ZC3H12B: variants seen among roughly 807,000 people sequenced by gnomAD.
The protein encoded by ZC3H12B is zinc finger CCCH-type containing 12B, also known as probable ribonuclease ZC3H12B.
Under a neutral mutation model 43.9 loss-of-function variants are expected in ZC3H12B, and 7 were observed. The observed-to-expected ratio is 0.16, with a 90% CI of 0.09 to 0.30. ZC3H12B has a LOEUF of 0.30. ZC3H12B is among the 10% of genes least tolerant of loss of function. The pLI is 1.00. For synonymous variants in ZC3H12B, 222 were observed against 241.7 expected (o/e 0.92, Z 0.76); for missense variants, 475 against 670.2 (o/e 0.71, Z 3.22).
the ZC3H12B span, among the ~76,000 whole-genome samples, chrX:65,333,289 C>T: frequency 3.6e-5 from 4 of 111,851 alleles, no homozygotes; most frequent in Non-Finnish European, 5.7e-5. Context: ...GTAAAATAAC[C>T]AGTTTCTCCA....
chrX:65,419,370 C>T (rs1277479097), intron 3 of ZC3H12B, among the ~76,000 whole-genome samples: 1 of 111,865 alleles, frequency 8.9e-6, no homozygotes, highest in East Asian at 2.8e-4. Context: ...ATTCAACTGG[C>T]CTGAATCTTG....
intron 2 of ZC3H12B, among the ~76,000 whole-genome samples, chrX:65,388,313 C>T (rs2066559926): frequency 8.9e-6 from 1 of 111,925 alleles, no homozygotes; most frequent in Non-Finnish European, 1.9e-5. Context: ...CACATAGTCC[C>T]ATATTTCTTG....
At chrX:65,153,260 G>A in the ZC3H12B span, among the ~76,000 whole-genome samples, 1 of 112,028 alleles carries the variant, frequency 8.9e-6, no homozygotes, top group Non-Finnish European at 1.9e-5. Flanking sequence ...AAGAGCTTCT[G>A]CATAGCAAAA....
chrX:65,296,357 G>A, the ZC3H12B span, among the ~76,000 whole-genome samples: 102 of 110,699 alleles, frequency 9.2e-4, no homozygotes, highest in Admixed American at 4.6e-3. Flanking sequence ...TCGGGGAAAG[G>A]GCAGAGACTG....
chrX:65,283,786 G>A, the ZC3H12B span, among the ~76,000 whole-genome samples: 121 of 111,702 alleles, frequency 1.1e-3, no homozygotes, highest in Middle Eastern at 4.6e-3. Flanking sequence ...AGTGACACTG[G>A]GACTGGAGCA....
the ZC3H12B span, among the ~76,000 whole-genome samples, chrX:65,184,006 G>A: frequency 4.5e-5 from 5 of 111,059 alleles, no homozygotes; most frequent in Admixed American, 9.7e-5. Flanking sequence ...TAAATGGACT[G>A]CCCAGCATAT....
At chrX:65,354,135 C>T in the ZC3H12B span, among the ~76,000 whole-genome samples, 1 of 112,274 alleles carries the variant, frequency 8.9e-6, no homozygotes, top group Non-Finnish European at 1.9e-5. Context: ...AGGCTGTCTC[C>T]TCAAGTGGGT....
chrX:65,108,120 G>A, the ZC3H12B span, among the ~76,000 whole-genome samples: 1 of 111,153 alleles, frequency 9.0e-6, no homozygotes. Context: ...GTTGCTCTGG[G>A]TATGTCAGTG....
chrX:65,389,576 G>C (rs753485402), intron 2 of ZC3H12B, among the ~76,000 whole-genome samples: 1 of 112,834 alleles, frequency 8.9e-6, no homozygotes, highest in Non-Finnish European at 1.9e-5. Context: ...CTGACCCGTT[G>C]TGCTTCCCAG....
chrX:65,267,683 C>A, the ZC3H12B span, among the ~76,000 whole-genome samples: 9 of 111,049 alleles, frequency 8.1e-5, no homozygotes, highest in African/African-American at 2.9e-4. Context: ...ACCAGTAAGT[C>A]AAAGAAGAAA....
the ZC3H12B span, among the ~76,000 whole-genome samples, chrX:65,129,930 G>A: frequency 9.0e-6 from 1 of 111,126 alleles, no homozygotes; most frequent in African/African-American, 3.3e-5. Context: ...AGAATTATTG[G>A]TGATGGTCTG....
chrX:65,300,115 C>T, the ZC3H12B span, among the ~76,000 whole-genome samples: 2 of 112,188 alleles, frequency 1.8e-5, no homozygotes, highest in Admixed American at 1.9e-4. Flanking sequence ...TCCAGATGAA[C>T]TTTGTAACAA....
the ZC3H12B span, among the ~76,000 whole-genome samples, chrX:65,314,452 A>T: frequency 3.1e-4 from 35 of 111,596 alleles, no homozygotes; most frequent in African/African-American, 8.8e-4. Flanking sequence ...TTAAATTACT[A>T]CTGATTTTTC....
the ZC3H12B span, among the ~76,000 whole-genome samples, chrX:65,207,249 TATAC>T: frequency 9.7e-6 from 1 of 103,369 alleles, no homozygotes; most frequent in African/African-American, 3.8e-5. Context: ...TGTGTGTATA[TATAC>T]ACACACACAC....
the ZC3H12B span, among the ~76,000 whole-genome samples, chrX:65,098,047 T>A: frequency 8.9e-6 from 1 of 111,755 alleles, no homozygotes; most frequent in South Asian, 3.7e-4. Context: ...TTGTTTTTTA[T>A]CAGGATCCTT....
intron 3 of ZC3H12B, among the ~76,000 whole-genome samples, chrX:65,404,904 T>C (rs1420054358): frequency 8.9e-6 from 1 of 112,449 alleles, no homozygotes; most frequent in South Asian, 3.6e-4. Context: ...AGAATACACA[T>C]TCTTTTCTTC....
At chrX:65,329,247 G>A in the ZC3H12B span, among the ~76,000 whole-genome samples, 1 of 111,435 alleles carries the variant, frequency 9.0e-6, no homozygotes, top group East Asian at 2.8e-4. Flanking sequence ...CATTCTAAAT[G>A]GTGTGAAATG....
the ZC3H12B span, among the ~76,000 whole-genome samples, chrX:65,308,900 AC>A: frequency 8.9e-6 from 1 of 112,295 alleles, no homozygotes; most frequent in East Asian, 2.8e-4. Context: ...TGGGTAAATA[AC>A]AAAATGAAGG....
At chrX:65,397,575 C>A (rs1328069660) in intron 2 of ZC3H12B, among the ~76,000 whole-genome samples, 1 of 111,403 alleles carries the variant, frequency 9.0e-6, no homozygotes, top group South Asian at 3.7e-4. Context: ...TTGAATTCAA[C>A]ATCATTTCAT....
Sources: allele counts gnomAD v4.1 joint callset (sites outside exome capture counted in the v4.1 genomes callset), GRCh38; gene constraint gnomAD v4.1.1; transcripts MANE v1.5; gene names NCBI Gene and HGNC (gene_info 2026-07-23, HGNC 2026-07-21).